The following TSPAN7 variants were observed in gnomAD, a reference collection of about 807,000 sequenced individuals.
TSPAN7 encodes the protein tetraspanin 7.
Under a neutral mutation model 17.6 loss-of-function variants are expected in TSPAN7, and 1 was observed. The observed-to-expected ratio is 0.06, with a 90% CI of 0.02 to 0.27. The LOEUF is 0.27. Ranked by LOEUF, TSPAN7 falls within the 10% of genes least tolerant of loss-of-function variation. The pLI, the probability that TSPAN7 is intolerant of heterozygous loss-of-function variation, is 1.00. For missense variants in TSPAN7, 112 were observed against 201.7 expected (o/e 0.56, Z 2.69); for synonymous variants, 78 against 79.0 (o/e 0.99, Z 0.07).
intron 1 of TSPAN7, among the ~76,000 whole-genome samples, chrX:38,664,893 C>A (rs763893893): frequency 2.7e-5 from 3 of 111,742 alleles, no homozygotes; most frequent in Admixed American, 1.9e-4. Flanking sequence ...CACACACACA[C>A]AAAAATCTGA....
chrX:38,652,212 A>G (rs1301479674), intron 1 of TSPAN7, among the ~76,000 whole-genome samples: 1 of 111,967 alleles, frequency 8.9e-6, no homozygotes, highest in Non-Finnish European at 1.9e-5. Flanking sequence ...TAATGCTCCT[A>G]TTCATCCATG....
chrX:38,641,112 G>C (rs1020958740), intron 1 of TSPAN7, among the ~76,000 whole-genome samples: 2 of 111,853 alleles, frequency 1.8e-5, no homozygotes, highest in African/African-American at 6.5e-5. Flanking sequence ...TTTGTGTGTA[G>C]AATCTTGGCC....
intron 1 of TSPAN7, among the ~76,000 whole-genome samples, chrX:38,565,418 C>CG (rs759846976): frequency 5.8e-4 from 64 of 111,137 alleles, no homozygotes; most frequent in Non-Finnish European, 7.0e-4. Context: ...TTAGTAGAGA[C>CG]GGGGTTTCAC....
chrX:38,616,553 G>A (rs1348117308), intron 1 of TSPAN7, among the ~76,000 whole-genome samples: 5 of 111,646 alleles, frequency 4.5e-5, no homozygotes, highest in South Asian at 3.8e-4. Context: ...CCTCTTTTCC[G>A]CTTATTACTA....
intron 1 of TSPAN7, among the ~76,000 whole-genome samples, chrX:38,584,061 C>G (rs1012315888): frequency 8.8e-5 from 9 of 102,180 alleles, no homozygotes; most frequent in African/African-American, 3.3e-4. Context: ...TCATGCCATT[C>G]TCCTGCCTCA....
At chrX:38,619,482 C>A (rs1479869678) in intron 1 of TSPAN7, among the ~76,000 whole-genome samples, 1 of 111,771 alleles carries the variant, frequency 8.9e-6, no homozygotes, top group African/African-American at 3.3e-5. Context: ...CAGGAAAGGC[C>A]TTTGCATTGT....
intron 1 of TSPAN7, among the ~76,000 whole-genome samples, chrX:38,568,831 G>C (rs1218420300): frequency 2.8e-5 from 3 of 108,687 alleles, no homozygotes; most frequent in Non-Finnish European, 5.8e-5. Flanking sequence ...TTTTCTTCTT[G>C]TTCTATTTCT....
Position 38,651,050 on chromosome X carries a change from C to CATATATATATATATATATATATAT in TSPAN7, c.82-15048_82-15047insTATATATATATATATATATATATA, listed in dbSNP as rs34201318. Among the ~76,000 whole-genome samples, 21 of 98,129 alleles carry CATATATATATATATATATATATAT rather than the reference C, an allele frequency of 2.1e-4. 1 individual carries two copies. Among genetic ancestry groups the CATATATATATATATATATATATAT allele is most frequent in the African/African-American group, 8.0e-4 (21 of 26,384 alleles). The allele number at this position is 98,129 out of a possible 115,157, so 85.2% of individuals were successfully genotyped here. A position where few individuals can be genotyped will look rare whatever the true frequency, so the allele number is the denominator to read the frequency against. On this transcript the variant is annotated intron_variant, in intron 1 of 7. Coordinates refer to ENST00000378482, the MANE Select transcript of TSPAN7 (RefSeq NM_004615.4). ...TATTTCATTATCAGAAATGTGATTACATATATATATATATATATATATAGT... is the reference window on the plus strand; with the variant it reads ...TATTTCATTATCAGAAATGTGATTACATATATATATATATATATATATATATATATATATATATATATATATAGT...
chrX:38,568,808 A>G (rs1303758869), intron 1 of TSPAN7, among the ~76,000 whole-genome samples: 2 of 108,727 alleles, frequency 1.8e-5, no homozygotes, highest in Non-Finnish European at 3.8e-5. Flanking sequence ...CTCCCCTTCT[A>G]TTTTCTACCT....
chrX:38,584,454 T>C (rs1424926055), intron 1 of TSPAN7, among the ~76,000 whole-genome samples: 1 of 111,806 alleles, frequency 8.9e-6, no homozygotes, highest in African/African-American at 3.3e-5. Context: ...GATCCTTTAT[T>C]TCTCTCTTCT....
intron 1 of TSPAN7, among the ~76,000 whole-genome samples, chrX:38,621,534 T>C (rs1222765348): frequency 9.0e-6 from 1 of 111,143 alleles, no homozygotes; most frequent in Non-Finnish European, 1.9e-5. Context: ...ACTAGTAAAA[T>C]GTAAGGCTGT....
At chrX:38,585,265 G>C (rs1393963028) in intron 1 of TSPAN7, among the ~76,000 whole-genome samples, 1 of 111,769 alleles carries the variant, frequency 8.9e-6, no homozygotes, top group Non-Finnish European at 1.9e-5. Flanking sequence ...GATAATTCTA[G>C]TTGTCTGCAT....
chrX:38,583,949 C>CTTTT (rs34777484), intron 1 of TSPAN7, among the ~76,000 whole-genome samples: 117 of 66,937 alleles, frequency 1.7e-3, no homozygotes, highest in African/African-American at 2.2e-3. Context: ...TTTTTCTTTT[C>CTTTT]TTTTTTTTTT....
At chrX:38,614,830 A>G (rs5917608) in intron 1 of TSPAN7, among the ~76,000 whole-genome samples, 31,286 of 111,131 alleles carry the variant, frequency 0.28, 3,695 homozygotes, top group East Asian at 0.65. Context: ...TATTTTCTAT[A>G]TGGCCACAAG....
At chrX:38,680,963 T>G (rs1418731167) in intron 5 of TSPAN7, among the ~76,000 whole-genome samples, 2 of 112,025 alleles carry the variant, frequency 1.8e-5, no homozygotes, top group South Asian at 7.5e-4. Context: ...GAAGCAAGAT[T>G]GACCAAATGT....
intron 1 of TSPAN7, among the ~76,000 whole-genome samples, chrX:38,585,313 T>C (rs2069251981): frequency 9.0e-6 from 1 of 111,714 alleles, no homozygotes; most frequent in South Asian, 3.7e-4. Flanking sequence ...TTCTCAATAT[T>C]TTTCCAATCT....
At chrX:38,630,277 A>G (rs1399524771) in intron 1 of TSPAN7, among the ~76,000 whole-genome samples, 2 of 112,438 alleles carry the variant, frequency 1.8e-5, no homozygotes, top group Non-Finnish European at 3.8e-5. Flanking sequence ...AAGAAAATAT[A>G]TAATGGATAT....
At chrX:38,687,444 T>C (rs1341130310) in intron 6 of TSPAN7, among the ~76,000 whole-genome samples, 155 bp from the exon 7 acceptor site, 4 of 111,652 alleles carry the variant, frequency 3.6e-5, no homozygotes, top group Non-Finnish European at 7.5e-5. Flanking sequence ...CCCATTTACA[T>C]ACAGAAACAC....
At chrX:38,668,861 T>C (rs1258940414) in intron 2 of TSPAN7, among the ~76,000 whole-genome samples, 3 of 111,843 alleles carry the variant, frequency 2.7e-5, no homozygotes, top group Non-Finnish European at 5.6e-5. Flanking sequence ...CTGTTATCCA[T>C]AGTGGTTGTA....
Sources: gnomAD v4.1 joint callset for allele counts (sites outside exome capture counted in the v4.1 genomes callset) on GRCh38, gnomAD v4.1.1 for gene constraint, MANE v1.5 for transcripts, NCBI Gene and HGNC (gene_info 2026-07-23, HGNC 2026-07-21) for gene names.